Variants in SDK1 observed in about 807,000 individuals in gnomAD.
The protein encoded by SDK1 is protein sidekick-1.
SDK1 carries 157 observed loss-of-function variants against 245.5 expected under a neutral mutation model. That is an observed-to-expected ratio of 0.64 (90% CI 0.56 to 0.73). The LOEUF is 0.73. Ranked by LOEUF, SDK1 falls within the 30% of genes least tolerant of loss-of-function variation. SDK1 has a pLI of 0.00. For synonymous variants in SDK1, 1,647 were observed against 1,278.5 expected (o/e 1.29, Z -6.15); for missense variants, 3,583 against 3,002.3 (o/e 1.19, Z -4.52).
chr7:4,242,153 C>T (rs1786565485), intron 43 of SDK1, among the ~76,000 whole-genome samples: 1 of 152,138 alleles, frequency 6.6e-6, no homozygotes, highest in Non-Finnish European at 1.5e-5. Context: ...AAGAGGGTCT[C>T]AGGTGTGTGG....
intron 28 of SDK1, among the ~76,000 whole-genome samples, chr7:4,134,221 A>C (rs1031496593): frequency 6.6e-6 from 1 of 152,168 alleles, no homozygotes; most frequent in Non-Finnish European, 1.5e-5. Context: ...TGATTTCTGG[A>C]GTTGCTAGAC....
intron 22 of SDK1, among the ~76,000 whole-genome samples, chr7:4,108,243 A>C (rs1783079101): frequency 6.6e-6 from 1 of 152,136 alleles, no homozygotes; most frequent in African/African-American, 2.4e-5. Flanking sequence ...GGGGATAGGG[A>C]GGCCTCAGTC....
At chr7:3,652,919 A>T (rs979006395) in intron 4 of SDK1, among the ~76,000 whole-genome samples, 2 of 152,208 alleles carry the variant, frequency 1.3e-5, no homozygotes, top group African/African-American at 4.8e-5. Context: ...CCAGTAGGAT[A>T]GAATCAGAAG....
intron 28 of SDK1, among the ~76,000 whole-genome samples, chr7:4,136,036 G>A (rs574700641): frequency 6.6e-6 from 1 of 152,320 alleles, no homozygotes; most frequent in African/African-American, 2.4e-5. Context: ...CGGGAGGTAT[G>A]GATCTTGATT....
chr7:3,494,170 AT>A (rs1196990145), intron 1 of SDK1, among the ~76,000 whole-genome samples: 1 of 152,214 alleles, frequency 6.6e-6, no homozygotes. Context: ...AATAGCTATT[AT>A]AAAGCCATTT....
Position 3,679,865 on chromosome 7 carries a change from C to T in SDK1, c.713+37760C>T, listed in dbSNP as rs192644204. ...TGTGGCAGTTTGTCTAAAAACAAAA[C>T]ATACGCTTACCATATGACCCTATCG... is the stretch of plus-strand genomic sequence containing the variant. On this transcript the variant is annotated intron_variant, in intron 4 of 44. Transcript: ENST00000404826. 5.8e-3 allele frequency among the ~76,000 whole-genome samples: 876 copies of T among 152,302 alleles called. 14 individuals carry two copies. Among genetic ancestry groups the T allele is most frequent in the Non-Finnish European group, 4.8e-3 (329 of 68,024 alleles).
At chr7:3,861,811 A>G (rs1780699012) in intron 5 of SDK1, among the ~76,000 whole-genome samples, 1 of 152,310 alleles carries the variant, frequency 6.6e-6, no homozygotes, top group Admixed American at 6.5e-5. Context: ...CTAAGTTGAA[A>G]AAAGAAAACA....
rs144051283 is a variant in SDK1, at chr7:4,178,540, C to T, written c.5052C>T (p.Gly1684=). 135 of 1,613,698 alleles carry T rather than the reference C, an allele frequency of 8.4e-5. 3 individuals are homozygous for T. Among genetic ancestry groups the T allele is most frequent in the Admixed American group, 4.0e-4 (24 of 60,034 alleles). ...EVIMTAYNII[G]ESPASAPVEV... Reference sequence around the variant, plus strand: ...TAATGACCGCCTATAACATCATCGGCGAGAGCCCAGCCAGCGCGCCCGTGG... The same window carrying T: ...TAATGACCGCCTATAACATCATCGGTGAGAGCCCAGCCAGCGCGCCCGTGG... Residue 1684 remains glycine, a synonymous_variant, in exon 35 of 45, where the codon GGC becomes GGT. Transcript: ENST00000404826.
rs1200823763 is a variant in SDK1 at position 4,094,385 on chromosome 7, T to TGGATTGCCCTGGAATTCCGGGGTG, written c.3324+14812_3324+14835dup. On this transcript the variant is annotated intron_variant, in intron 22 of 44. Coordinates refer to ENST00000404826, the MANE Select transcript of SDK1 (RefSeq NM_152744.4). Reference sequence around the variant, plus strand: ...CCCAGCCGGGGGTTTGAAAGCCAAATGGATTGCCCTGGAATTCCGGGGTGG... The same window carrying TGGATTGCCCTGGAATTCCGGGGTG: ...CCCAGCCGGGGGTTTGAAAGCCAAATGGATTGCCCTGGAATTCCGGGGTGGGATTGCCCTGGAATTCCGGGGTGG... Among the ~76,000 whole-genome samples the TGGATTGCCCTGGAATTCCGGGGTG allele has an allele frequency of 8.5e-5, 13 of 152,256 alleles. No individual in the cohort carries two copies. The East Asian group carries it at 2.3e-3, about 27-fold the overall frequency.
chr7:3,774,433 C>G lies in SDK1; in HGVS notation c.714-47017C>G, dbSNP rs527563509. Reference sequence around the variant, plus strand: ...TTTGCCTACCAAGGCTCCTGCAAACCGTATGCCAAGCTGCTCCAGGAACAT... The same window carrying G: ...TTTGCCTACCAAGGCTCCTGCAAACGGTATGCCAAGCTGCTCCAGGAACAT... On this transcript the variant is annotated intron_variant, in intron 4 of 44. Coordinates refer to ENST00000404826, the MANE Select transcript of SDK1 (RefSeq NM_152744.4). Among the ~76,000 whole-genome samples the G allele has an allele frequency of 4.9e-4, 74 of 152,258 alleles. No individual in the cohort carries two copies. In the South Asian group the frequency reaches 0.012, roughly 26 times the overall value.
At chr7:3,443,111 A>T in intron 1 of SDK1, among the ~76,000 whole-genome samples, 1 of 151,394 alleles carries the variant, frequency 6.6e-6, no homozygotes, top group African/African-American at 2.4e-5. Context: ...TTTCAGGGTT[A>T]TATCCTTAAC....
chr7:3,321,235 A>G (rs1562412082), intron 1 of SDK1, among the ~76,000 whole-genome samples: 1 of 152,246 alleles, frequency 6.6e-6, no homozygotes, highest in Non-Finnish European at 1.5e-5. Context: ...ATTCCTTAGA[A>G]ACGTCAAAAT....
In SDK1 at chr7:4,146,024, G is replaced by A. The variant is rs139353121; in HGVS notation, c.4423+108G>A. On this transcript the variant is annotated intron_variant, in intron 29 of 44. Transcript: ENST00000404826. ...CCTGGGAGGCTTCGGCCTTCCCTTC[G>A]GAGAAAGAGAAGGGATGTGAGCATT... 3.8e-4 allele frequency: 358 copies of A among 952,142 alleles called. 1 individual carries two copies. The African/African-American group carries it at 4.8e-3, about 13-fold the overall frequency. 59.0% of individuals were successfully genotyped at this position (952,142 alleles called of 1,614,324 possible). A position where few individuals can be genotyped will look rare whatever the true frequency, so the allele number is the denominator to read the frequency against.
At chr7:3,566,231 T>TTTA (rs1554290449) in intron 1 of SDK1, among the ~76,000 whole-genome samples, 1 of 149,142 alleles carries the variant, frequency 6.7e-6, no homozygotes, top group Admixed American at 6.7e-5. Flanking sequence ...CTTCTTTTTT[T>TTTA]TTTTTTTTTT....
At chr7:3,854,337 A>T (rs1780488969) in intron 5 of SDK1, among the ~76,000 whole-genome samples, 1 of 152,192 alleles carries the variant, frequency 6.6e-6, no homozygotes, top group African/African-American at 2.4e-5. Flanking sequence ...TAAATAATTA[A>T]TGTAACAATA....
intron 1 of SDK1, among the ~76,000 whole-genome samples, chr7:3,563,184 T>C (rs936126002): frequency 4.0e-5 from 6 of 150,708 alleles, no homozygotes; most frequent in South Asian, 2.1e-4. Context: ...CAATCAAAAA[T>C]AGGAAAGGGG....
chr7:4,220,048 CAG>C, intron 38 of SDK1, 59 bp from the exon 39 acceptor site: 1 of 1,566,074 alleles, frequency 6.4e-7, no homozygotes, highest in East Asian at 2.3e-5. Flanking sequence ...ACAGAACAGA[CAG>C]TGGACAGTTG....
chr7:3,759,531 A>G (rs1055187941), intron 4 of SDK1, among the ~76,000 whole-genome samples: 5 of 151,410 alleles, frequency 3.3e-5, no homozygotes, highest in African/African-American at 1.2e-4. Context: ...CGCTTTTATC[A>G]TATGTTGAAT....
At chr7:3,685,570 G>A (rs2116617) in intron 4 of SDK1, among the ~76,000 whole-genome samples, 123,459 of 152,088 alleles carry the variant, frequency 0.81, 50,332 homozygotes, top group Non-Finnish European at 0.86. Context: ...TCAAACTTCT[G>A]TTGAGGTTCA....
Sources: allele counts gnomAD v4.1 joint callset (sites outside exome capture counted in the v4.1 genomes callset), GRCh38; gene constraint gnomAD v4.1.1; transcripts MANE v1.5; gene names NCBI Gene and HGNC (gene_info 2026-07-23, HGNC 2026-07-21).